DDX31: variants seen among roughly 807,000 people sequenced by gnomAD.
DDX31 encodes ATP-dependent DNA helicase DDX31.
In DDX31, 70 loss-of-function variants were observed where a neutral mutation model predicts 91.3. The ratio of observed to expected loss-of-function variants is 0.77; its 90% CI spans 0.63 to 0.94. The LOEUF is 0.94. DDX31 is among the 40% of genes least tolerant of loss of function. The pLI is 0.00. For synonymous variants in DDX31, 362 were observed against 350.6 expected (o/e 1.03, Z -0.36); for missense variants, 902 against 925.0 (o/e 0.98, Z 0.32).
Position 132,603,291 on chromosome 9 carries a change from G to A in DDX31, c.1995-8179C>T, listed in dbSNP as rs112568393. Among the ~76,000 whole-genome samples, 259 of 152,320 alleles carry A rather than the reference G, an allele frequency of 1.7e-3. 1 individual carries two copies. Among genetic ancestry groups the A allele is most frequent in the Non-Finnish European group, 2.2e-3 (150 of 68,040 alleles). Reference sequence around the variant, plus strand: ...AACAAATTACTCTGCATTTTGGACCGTAGCTATAACATTGGGACCAACGTG... The same window carrying A: ...AACAAATTACTCTGCATTTTGGACCATAGCTATAACATTGGGACCAACGTG... On this transcript the variant is annotated intron_variant, in intron 19 of 19. Transcript: ENST00000372159.
At chr9:132,596,732 G>A (rs1830454367) in intron 19 of DDX31, among the ~76,000 whole-genome samples, 1 of 152,226 alleles carries the variant, frequency 6.6e-6, no homozygotes, top group Admixed American at 6.5e-5. Context: ...GTCAGCGGGG[G>A]CAGGACTCAG....
At chr9:132,635,455 C>CTTTTTTTTTTT (rs981082655) in intron 14 of DDX31, among the ~76,000 whole-genome samples, 1 of 104,724 alleles carries the variant, frequency 9.5e-6, no homozygotes, top group East Asian at 3.6e-4. Context: ...ATGTACATAG[C>CTTTTTTTTTTT]TTTTTTTTTT....
intron 7 of DDX31, 58 bp from the exon 8 acceptor site, chr9:132,651,174 A>C (rs1834164268): frequency 3.6e-6 from 5 of 1,379,930 alleles, no homozygotes; most frequent in Non-Finnish European, 5.0e-6. Context: ...TTTTTTTTTA[A>C]AGACAATTTA....
chr9:132,666,534 CTTTTG>C, intron 1 of DDX31, among the ~76,000 whole-genome samples: 1 of 150,834 alleles, frequency 6.6e-6, no homozygotes, highest in East Asian at 1.9e-4. Context: ...TTTTGTTTTG[CTTTTG>C]TTTTGAGACA....
intron 16 of DDX31, 94 bp downstream of exon 16, chr9:132,630,170 T>A: frequency 7.2e-7 from 1 of 1,397,162 alleles, no homozygotes; most frequent in Non-Finnish European, 9.6e-7. Flanking sequence ...GGTTAATGGC[T>A]CTTCGTCAGC....
intron 1 of DDX31, chr9:132,663,111 A>T: frequency 8.3e-7 from 1 of 1,206,028 alleles, no homozygotes; most frequent in Non-Finnish European, 1.1e-6. Flanking sequence ...GGGTGGGGGA[A>T]AACGAATCTT....
chr9:132,650,955 G>C (rs1834146006), intron 8 of DDX31, 120 bp downstream of exon 8: 11 of 1,018,194 alleles, frequency 1.1e-5, no homozygotes, highest in Non-Finnish European at 1.6e-5. Context: ...AGAGAGCAGA[G>C]ATATCCAGGC....
intron 14 of DDX31, among the ~76,000 whole-genome samples, chr9:132,635,176 G>A (rs1833030537): frequency 1.3e-5 from 2 of 152,288 alleles, no homozygotes; most frequent in South Asian, 4.1e-4. Context: ...AGTCTGTCCT[G>A]TATGGGTCCC....
intron 3 of DDX31, 116 bp downstream of exon 3, chr9:132,662,145 T>C (rs771388563): frequency 1.6e-5 from 16 of 1,004,652 alleles, no homozygotes; most frequent in Middle Eastern, 2.1e-4. Flanking sequence ...TCAGGTAACT[T>C]AGAGCAGAAA....
intron 6 of DDX31, among the ~76,000 whole-genome samples, chr9:132,652,921 T>C (rs1834302589): frequency 6.6e-6 from 1 of 152,144 alleles, no homozygotes; most frequent in Non-Finnish European, 1.5e-5. Flanking sequence ...GTAAGTCAAA[T>C]TAAACCTCTT....
chr9:132,605,583 C>CAG (rs557692924), intron 19 of DDX31, among the ~76,000 whole-genome samples: 114 of 152,300 alleles, frequency 7.5e-4, no homozygotes, highest in African/African-American at 2.6e-3. Context: ...CGAGGAGGGG[C>CAG]AGACGCTGAC....
chr9:132,621,119 G>A (rs976014044), intron 17 of DDX31, among the ~76,000 whole-genome samples: 1 of 152,174 alleles, frequency 6.6e-6, no homozygotes, highest in Non-Finnish European at 1.5e-5. Flanking sequence ...ACATGGTTGG[G>A]TGTGTGTATA....
intron 13 of DDX31, among the ~76,000 whole-genome samples, chr9:132,645,369 T>C (rs1029937379): frequency 3.9e-5 from 6 of 152,120 alleles, no homozygotes; most frequent in Admixed American, 6.5e-5. Context: ...CGAAGCCCCT[T>C]TGGTTCACGG....
chr9:132,639,191 T>C (rs1049915362), intron 14 of DDX31, among the ~76,000 whole-genome samples: 2 of 152,036 alleles, frequency 1.3e-5, no homozygotes, highest in Non-Finnish European at 2.9e-5. Context: ...GCAGCTCTCA[T>C]ATGCTAGAAG....
intron 14 of DDX31, among the ~76,000 whole-genome samples, chr9:132,636,297 G>A (rs1360713759): frequency 6.6e-6 from 1 of 152,156 alleles, no homozygotes; most frequent in Non-Finnish European, 1.5e-5. Context: ...AGGGGAGCGG[G>A]AGCCACTTTC....
At chr9:132,614,918 G>A (rs1831544990) in intron 18 of DDX31, among the ~76,000 whole-genome samples, 1 of 152,188 alleles carries the variant, frequency 6.6e-6, no homozygotes, top group Non-Finnish European at 1.5e-5. Flanking sequence ...GGACTCCCAT[G>A]TTTGGATAAT....
At chr9:132,607,907 T>C (rs578195970) in intron 19 of DDX31, among the ~76,000 whole-genome samples, 1 of 152,276 alleles carries the variant, frequency 6.6e-6, no homozygotes, top group Admixed American at 6.5e-5. Context: ...TGAGAGAGAA[T>C]CGTGGCCCTA....
chr9:132,598,156 G>C (rs1456148105), intron 19 of DDX31, among the ~76,000 whole-genome samples: 1 of 152,124 alleles, frequency 6.6e-6, no homozygotes, highest in Non-Finnish European at 1.5e-5. Flanking sequence ...TGTCATGACA[G>C]CCACCTCAAC....
At position 132,652,459 on chromosome 9, in the gene DDX31, G is replaced by C; in HGVS notation, c.622C>G (p.Pro208Ala). ...SDGPYALVLV[P>A]TRELALQSFD... The stretch of plus-strand genomic sequence containing the variant: ...GGGAGCCTGCTTACCTCTCTCGTTG[G>C]CACGAGCACCAGGGCATAGGGGCCA... The change falls in exon 7 of 20, where the codon CCA becomes GCA. Residue 208 changes from proline (P) to alanine (A), a missense_variant. Pro to Ala is a conservative substitution (Grantham distance 27). Transcript: ENST00000372159. 1 of 1,614,168 alleles carries C rather than the reference G, an allele frequency of 6.2e-7. No individual in the cohort carries two copies. The highest frequency in any genetic ancestry group is 8.5e-7 in the Non-Finnish European group (1 of 1,180,016).
Sources: allele counts gnomAD v4.1 joint callset (sites outside exome capture counted in the v4.1 genomes callset), GRCh38; gene constraint gnomAD v4.1.1; transcripts MANE v1.5; gene names NCBI Gene and HGNC (gene_info 2026-07-23, HGNC 2026-07-21).